ARHGAP11B: variants seen among roughly 807,000 people sequenced by gnomAD.
The protein encoded by ARHGAP11B is inactive Rho GTPase-activating protein 11B.
In ARHGAP11B, 14 loss-of-function variants were observed where a neutral mutation model predicts 27.6. That is an observed-to-expected ratio of 0.51 (90% CI 0.34 to 0.79). The LOEUF (loss-of-function observed/expected upper bound fraction) is 0.79. Ranked by LOEUF, ARHGAP11B falls within the 30% of genes least tolerant of loss-of-function variation. The pLI is 0.02. For missense variants in ARHGAP11B, 245 were observed against 320.1 expected, an observed-to-expected ratio of 0.77 and a Z score of 1.79; for synonymous variants, 82 against 114.1, an observed-to-expected ratio of 0.72 and a Z score of 1.80.
At chr15:30,637,897 G>T (rs2060291549) in intron 6 of ARHGAP11B, among the ~76,000 whole-genome samples, 2 of 142,430 alleles carry the variant, frequency 1.4e-5, no homozygotes, top group African/African-American at 5.3e-5. Context: ...TTGGTTCACT[G>T]CAATCTCCAC....
intron 4 of ARHGAP11B, 127 bp downstream of exon 4, chr15:30,634,550 A>G: frequency 4.2e-6 from 6 of 1,427,110 alleles, no homozygotes; most frequent in Admixed American, 2.6e-5. Context: ...TTTCATTACT[A>G]TGAGGAGTAT....
At chr15:30,639,100 G>A (rs114164773) in intron 7 of ARHGAP11B, among the ~76,000 whole-genome samples, 3,766 of 151,912 alleles carry the variant, frequency 0.025, 149 homozygotes, top group African/African-American at 0.079. Context: ...GCTATTGAAC[G>A]TGTGAAAATA....
chr15:30,633,524 C>T (rs1237304863), exon 3 of ARHGAP11B: 2 of 1,613,232 alleles, frequency 1.2e-6, no homozygotes, highest in Non-Finnish European at 1.7e-6. Flanking sequence ...TTTAGAAGAA[C>T]ATATTCATAC....
At chr15:30,643,791 T>A (rs1179189208) in intron 7 of ARHGAP11B, among the ~76,000 whole-genome samples, 1 of 152,070 alleles carries the variant, frequency 6.6e-6, no homozygotes, top group African/African-American at 2.4e-5. Context: ...TAATGCTGGT[T>A]ACTTAATTAG....
intron 1 of ARHGAP11B, 77 bp downstream of exon 1, chr15:30,627,026 A>G (rs1289931721): frequency 6.3e-7 from 1 of 1,589,896 alleles, no homozygotes; most frequent in East Asian, 2.2e-5. Flanking sequence ...AGATCGTGCT[A>G]AAATGTTCAC....
chr15:30,626,147 A>C (rs917784004), exon 1 of ARHGAP11B: 1 of 153,534 alleles, frequency 6.5e-6, no homozygotes, highest in Non-Finnish European at 1.5e-5. Flanking sequence ...GGGTGTCTGC[A>C]GTGGAGCTGG....
intron 10 of ARHGAP11B, among the ~76,000 whole-genome samples, chr15:30,648,241 A>G (rs1194963493): frequency 6.6e-6 from 1 of 152,032 alleles, no homozygotes; most frequent in East Asian, 1.9e-4. Flanking sequence ...GATTTTATTT[A>G]TAAGCTAATG....
At position 30,642,061 on chromosome 15, in the gene ARHGAP11B, A is replaced by G. The variant is rs183361798; in HGVS notation, c.*79-2578A>G. On this transcript the variant is annotated intron_variant, in intron 7 of 10. Transcript: ENST00000428041. ...TAGACTGCAGCCCTAGAATAAAGCT[A>G]CTTATGACACTTTAGATGTATAATA... is the stretch of plus-strand genomic sequence containing the variant. Among the ~76,000 whole-genome samples the G allele has an allele frequency of 2.0e-5, 3 of 152,142 alleles. No homozygotes were observed. In the East Asian group the frequency reaches 5.8e-4, roughly 30 times the overall value.
chr15:30,626,937 C>G (rs1189306771), exon 1 of ARHGAP11B: 1 of 1,612,964 alleles, frequency 6.2e-7, no homozygotes, highest in African/African-American at 1.3e-5. Flanking sequence ...AAACAGCAGC[C>G]ACGGAAATAG....
Position 30,638,807 on chromosome 15 carries a change from A to G in ARHGAP11B, c.*65A>G, listed in dbSNP as rs546314770. The G allele has an allele frequency of 9.0e-6, 13 of 1,437,512 alleles. No individual in the cohort carries two copies. In the African/African-American group the frequency reaches 1.3e-4, roughly 15 times the overall value. The allele number at this position is 1,437,512 out of a possible 1,614,324, so 89.0% of individuals were successfully genotyped here. A position where few individuals can be genotyped will look rare whatever the true frequency, so the allele number is the denominator to read the frequency against. On this transcript the variant is annotated 3_prime_UTR_variant, in exon 7 of 11. Transcript: ENST00000428041. ...ACAGAACACCTTCTATTACACCTCA[A>G]CAAGAAAGAATTGGTAGGTATTTAT...
At chr15:30,640,547 G>T (rs931191855) in intron 7 of ARHGAP11B, among the ~76,000 whole-genome samples, 2 of 150,034 alleles carry the variant, frequency 1.3e-5, no homozygotes, top group African/African-American at 4.9e-5. Flanking sequence ...CTAAGCCCAG[G>T]GTCCTCCATC....
chr15:30,626,894 G>A (rs1187918147), exon 1 of ARHGAP11B: 3 of 1,613,592 alleles, frequency 1.9e-6, no homozygotes, highest in Non-Finnish European at 1.7e-6. Context: ...AAGGTGAAGG[G>A]TGTCCGTGGG....
In ARHGAP11B at chr15:30,630,886, C is replaced by T. The variant is rs1413976685; in HGVS notation, c.200+113C>T. ...CTTGAGTCCGGGAGCTTAAGACCAG[C>T]CTGGGCAACATGGTGAGACCTTGTC... is the stretch of plus-strand genomic sequence containing the variant. On this transcript the variant is annotated intron_variant, in intron 2 of 10. Coordinates refer to ENST00000428041, the Ensembl canonical transcript of ARHGAP11B. The T allele has an allele frequency of 3.8e-6, 6 of 1,571,350 alleles. No individual in the cohort carries two copies. In the East Asian group the frequency reaches 1.1e-4, roughly 30 times the overall value.
intron 1 of ARHGAP11B, among the ~76,000 whole-genome samples, chr15:30,630,316 G>C (rs2060236409): frequency 6.6e-6 from 1 of 152,068 alleles, no homozygotes; most frequent in African/African-American, 2.4e-5. Context: ...AAAGTATCTA[G>C]TAAGTATTTA....
intron 8 of ARHGAP11B, among the ~76,000 whole-genome samples, chr15:30,645,799 CT>C (rs2060344056): frequency 6.6e-6 from 1 of 151,956 alleles, no homozygotes; most frequent in Admixed American, 6.6e-5. Context: ...GCTCTTTTGT[CT>C]TTTACTTCAG....
intron 6 of ARHGAP11B, among the ~76,000 whole-genome samples, chr15:30,636,353 T>C (rs2060279590): frequency 3.3e-5 from 5 of 151,878 alleles, no homozygotes; most frequent in Admixed American, 3.3e-4. Context: ...CAAGGAAGAA[T>C]CAGAAAGACC....
intron 7 of ARHGAP11B, among the ~76,000 whole-genome samples, chr15:30,643,608 C>T (rs1244870733): frequency 7.9e-5 from 12 of 151,986 alleles, no homozygotes; most frequent in Non-Finnish European, 1.3e-4. Flanking sequence ...TGTTATAAAA[C>T]GTATGACTCA....
chr15:30,631,303 C>G (rs911962487), intron 2 of ARHGAP11B, among the ~76,000 whole-genome samples: 1 of 151,760 alleles, frequency 6.6e-6, no homozygotes, highest in African/African-American at 2.4e-5. Context: ...TCTTTTGCCA[C>G]AACTCAGATT....
chr15:30,633,161 TA>T (rs1327929405), intron 2 of ARHGAP11B, among the ~76,000 whole-genome samples: 1 of 148,818 alleles, frequency 6.7e-6, no homozygotes, highest in African/African-American at 2.5e-5. Flanking sequence ...AATGATTGGA[TA>T]GGGGTGAGTA....
Sources: gnomAD v4.1 joint callset for allele counts (sites outside exome capture counted in the v4.1 genomes callset) on GRCh38, gnomAD v4.1.1 for gene constraint, MANE v1.5 for transcripts, NCBI Gene and HGNC (gene_info 2026-07-23, HGNC 2026-07-21) for gene names.